Variants in WDR24 observed in about 807,000 individuals in gnomAD.
WDR24 encodes GATOR2 complex protein WDR24.
In WDR24, 32 loss-of-function variants were observed where a neutral mutation model predicts 66.7. That is an observed-to-expected ratio of 0.48 (90% confidence interval 0.36 to 0.64). The LOEUF (loss-of-function observed/expected upper bound fraction) is 0.64. WDR24 is among the 30% of genes least tolerant of loss of function. WDR24 has a pLI of 0.00. For missense variants in WDR24, 978 were observed against 1,144.1 expected (o/e 0.85, Z 2.09); for synonymous variants, 565 against 469.1 (o/e 1.20, Z -2.64).
chr16:685,577 G>A lies in WDR24; in HGVS notation c.1699C>T (p.Leu567=), dbSNP rs2039887629. ...HAHPEDPECV[L]PQEAFPLRHE... is the part of the protein sequence containing the mutation. ...CGCAGCGGAAAGGCCTCCTGCGGCAGCACGCACTCAGGGTCCTCGGCTGGA... is the reference window on the plus strand; with the variant it reads ...CGCAGCGGAAAGGCCTCCTGCGGCAACACGCACTCAGGGTCCTCGGCTGGA... Residue 567 remains leucine, a synonymous_variant, in exon 7 of 9, where the codon CTG becomes TTG. Coordinates refer to ENST00000293883, the MANE Select transcript of WDR24 (RefSeq NM_032259.4). 4 of 1,592,706 alleles carry A rather than the reference G, an allele frequency of 2.5e-6. No homozygotes were observed. The highest frequency in any genetic ancestry group is 3.4e-6 in the Non-Finnish European group (4 of 1,168,642).
At position 690,049 on chromosome 16, in the gene WDR24, CGCCG is replaced by C. The variant is rs1567295291; in HGVS notation, c.-413_-410del. ...CCCAGCAGGGGAGCGAGGAGACTCC[CGCCG>C]TCCACACTGTCAGCCCTGAGGGCGG... is the stretch of plus-strand genomic sequence containing the variant. On this transcript the variant is annotated 5_prime_UTR_variant, in exon 1 of 9. Coordinates refer to ENST00000293883, the MANE Select transcript of WDR24 (RefSeq NM_032259.4). 4.2e-6 allele frequency: 2 copies of C among 474,000 alleles called. No individual in the cohort carries two copies. Among genetic ancestry groups the C allele is most frequent in the Non-Finnish European group, 8.4e-6 (2 of 238,916 alleles). The allele number at this position is 474,000 out of a possible 1,614,324, so 29.4% of individuals were successfully genotyped here. A position where few individuals can be genotyped will look rare whatever the true frequency, so the allele number is the denominator to read the frequency against.
rs2039861758 is a variant in WDR24 at position 684,680 on chromosome 16, A to G, written c.*54T>C. ...CCAGCCTCCGCCCGTCTCGGGCACA[A>G]GACCAGGCGGGGTTCTGCACGCGGC... On this transcript the variant is annotated 3_prime_UTR_variant, in exon 9 of 9. Transcript: ENST00000293883. 2.0e-6 allele frequency: 3 copies of G among 1,508,970 alleles called. No individual in the cohort carries two copies. The South Asian group carries it at 3.8e-5, about 19-fold the overall frequency. The allele number at this position is 1,508,970 out of a possible 1,614,324, so 93.5% of individuals were successfully genotyped here. A position where few individuals can be genotyped will look rare whatever the true frequency, so the allele number is the denominator to read the frequency against.
intron 3 of WDR24, among the ~76,000 whole-genome samples, 189 bp from the exon 4 acceptor site, chr16:686,375 G>A (rs79738299): frequency 6.6e-6 from 1 of 152,202 alleles, no homozygotes; most frequent in South Asian, 2.1e-4. Flanking sequence ...CCCTACAGCA[G>A]CACAGAGGAA....
Position 689,141 on chromosome 16 carries a change from C to T in WDR24, c.481+19G>A. 1.2e-6 allele frequency: 2 copies of T among 1,611,010 alleles called. No individual in the cohort carries two copies. Among genetic ancestry groups the T allele is most frequent in the South Asian group, 1.1e-5 (1 of 91,002 alleles). On this transcript the variant is annotated intron_variant, in intron 1 of 8. Coordinates refer to ENST00000293883, the MANE Select transcript of WDR24 (RefSeq NM_032259.4). ...CGGCAGAGACGCCCACCTGCCCTGA[C>T]CTGCCTCTGTGGCCTCACCCGAGAA...
At position 689,080 on chromosome 16, in the gene WDR24, G is replaced by A. The variant is rs192481866; in HGVS notation, c.481+80C>T. 1,927 of 1,567,564 alleles carry A rather than the reference G, an allele frequency of 1.2e-3. 1 individual carries two copies. The highest frequency in any genetic ancestry group is 1.6e-3 in the Non-Finnish European group (1,822 of 1,155,772). On this transcript the variant is annotated intron_variant, in intron 1 of 8. Coordinates refer to ENST00000293883, the MANE Select transcript of WDR24 (RefSeq NM_032259.4). The stretch of plus-strand genomic sequence containing the variant: ...GTGATCCTGAGGGCCTCTGATGCAC[G>A]GAGCCCTTTTCCGCCTGCATGGACA...
At position 684,742 on chromosome 16, in the gene WDR24, A is replaced by C; in HGVS notation, c.2365T>G (p.Tyr789Asp). 1 of 1,596,424 alleles carries C rather than the reference A, an allele frequency of 6.3e-7. No individual in the cohort carries two copies. The highest frequency in any genetic ancestry group is 1.7e-5 in the Admixed American group (1 of 58,896). ...CPAGCGHLCE[Y>D]S ...GCCCAGCAGATGCCCCGTCAGGAGT[A>C]CTCGCAGAGGTGGCCGCAGCCTGCG... The change falls in exon 9 of 9, where the codon TAC becomes GAC. Residue 789 changes from tyrosine (Y) to aspartate (D), a missense_variant. By Grantham distance (160) the Tyr-to-Asp change is radical. Transcript: ENST00000293883.
chr16:687,908 G>A (rs1019385371), intron 1 of WDR24, 169 bp from the exon 2 acceptor site: 20 of 861,632 alleles, frequency 2.3e-5, no homozygotes, highest in African/African-American at 3.3e-5. Flanking sequence ...ACACAGAGTC[G>A]CCACAAGAGC....
intron 1 of WDR24, among the ~76,000 whole-genome samples, chr16:688,249 G>A (rs768772549): frequency 5.3e-5 from 8 of 152,118 alleles, no homozygotes; most frequent in African/African-American, 1.4e-4. Context: ...CTTCAAGGGC[G>A]GTACCCAACC....
chr16:686,141 C>G lies in WDR24; in HGVS notation c.1378G>C (p.Gly460Arg). The G allele has an allele frequency of 6.2e-7, 1 of 1,613,038 alleles. No individual in the cohort carries two copies. ...TMLRIIYCSP[G>R]LVPTANLNHS... is the part of the protein sequence containing the mutation. ...TTGAGGTTTGCAGTGGGCACTAGGC[C>G]AGGGCTGCAGTAGATGATCCGCAGC... Residue 460 changes from glycine to arginine, a missense_variant, in exon 4 of 9, where the codon GGC (glycine) becomes CGC (arginine). Gly to Arg is a moderately radical substitution (Grantham distance 125). Around this residue, in one of 2 missense-constraint regions of WDR24, gnomAD observed 676 missense variants for 617.5 expected, o/e 1.09. Transcript: ENST00000293883.
In WDR24 at chr16:685,615, G is replaced by C. The variant is rs1355492849; in HGVS notation, c.1679-18C>G. The stretch of plus-strand genomic sequence containing the variant: ...GTCCTCGGCTGGAAGGCAGGGACCA[G>C]CGGAGGCTCTGAGTCTGTCCTCCAT... On this transcript the variant is annotated intron_variant, in intron 6 of 8. Transcript: ENST00000293883. The C allele has an allele frequency of 6.2e-7, 1 of 1,605,998 alleles. No homozygotes were observed. Among genetic ancestry groups the C allele is most frequent in the African/African-American group, 1.3e-5 (1 of 74,874 alleles).
chr16:686,054 C>A lies in WDR24; in HGVS notation c.1451+14G>T. On this transcript the variant is annotated intron_variant, in intron 4 of 8. Coordinates refer to ENST00000293883, the MANE Select transcript of WDR24 (RefSeq NM_032259.4). ...CAGCCCCAGCCCCTGGGGAGAGCTG[C>A]CCCCGGCATCTACCTGTTCATGAGC... The A allele has an allele frequency of 1.2e-6, 2 of 1,612,676 alleles. No individual in the cohort carries two copies. Among genetic ancestry groups the A allele is most frequent in the Non-Finnish European group, 1.7e-6 (2 of 1,179,872 alleles).
intron 4 of WDR24, 30 bp downstream of exon 4, chr16:686,038 C>A (rs2039900916): frequency 6.2e-7 from 1 of 1,612,764 alleles, no homozygotes; most frequent in South Asian, 1.1e-5. Context: ...GCAGCCCCAG[C>A]CCCTGGGGAG....
chr16:689,522 T>A lies in WDR24; in HGVS notation c.119A>T (p.Gln40Leu). The A allele has an allele frequency of 6.2e-7, 1 of 1,613,230 alleles. No homozygotes were observed. The highest frequency in any genetic ancestry group is 8.5e-7 in the Non-Finnish European group (1 of 1,180,026). The change falls in exon 1 of 9, where the codon CAG (glutamine) becomes CTG (leucine). Residue 40 changes from glutamine (Q) to leucine (L), a missense_variant. By Grantham distance (113) the Gln-to-Leu change is moderately radical. Coordinates refer to ENST00000293883, the MANE Select transcript of WDR24 (RefSeq NM_032259.4). ...GATGCTACGGCCTGCCACGACCACC[T>A]GGGCTGCGTCGCGGCACACACTGAT... ...NAISVCRDAA[Q>L]VVVAGRSIFK...
chr16:689,746 C>T lies in WDR24; in HGVS notation c.-106G>A. On this transcript the variant is annotated 5_prime_UTR_variant, in exon 1 of 9. Coordinates refer to ENST00000293883, the MANE Select transcript of WDR24 (RefSeq NM_032259.4). The stretch of plus-strand genomic sequence containing the variant: ...AGACCTTCCACCCAGGTTGGGACCC[C>T]AGAACTGCTTGGTCCCGGGCTGGTC... 6.7e-7 allele frequency: 1 copy of T among 1,496,678 alleles called. No individual in the cohort carries two copies. The highest frequency in any genetic ancestry group is 2.4e-5 in the East Asian group (1 of 41,326). 92.7% of individuals were successfully genotyped at this position (1,496,678 alleles called of 1,614,324 possible).
chr16:687,588 G>C lies in WDR24; in HGVS notation c.633C>G (p.Phe211Leu), dbSNP rs2039924293. ...RMFTAHNGPV[F>L]CCDWHPEDRG... ...TGTCCTCGGGGTGCCAGTCGCAGCA[G>C]AAGACGGGTCCGTTGTGGGCTGTGA... is the stretch of plus-strand genomic sequence containing the variant. Residue 211 changes from phenylalanine (F) to leucine (L), a missense_variant, in exon 2 of 9, where the codon TTC becomes TTG. Transcript: ENST00000293883. The C allele has an allele frequency of 6.2e-7, 1 of 1,613,152 alleles. No individual in the cohort carries two copies. Among genetic ancestry groups the C allele is most frequent in the Non-Finnish European group, 8.5e-7 (1 of 1,179,932 alleles).
In WDR24 at chr16:686,169, G is replaced by C; in HGVS notation, c.1350C>G (p.Thr450=). ...LGRNQVAQTW[T]MLRIIYCSPG... The stretch of plus-strand genomic sequence containing the variant: ...GGCTGCAGTAGATGATCCGCAGCAT[G>C]GTCCACGTTTGCGCCACCTAGGGGC... The change falls in exon 4 of 9, where the codon ACC becomes ACG. Residue 450 remains threonine (T), a synonymous_variant. Coordinates refer to ENST00000293883, the MANE Select transcript of WDR24 (RefSeq NM_032259.4). The C allele has an allele frequency of 6.2e-7, 1 of 1,612,860 alleles. No individual in the cohort carries two copies. Among genetic ancestry groups the C allele is most frequent in the Non-Finnish European group, 8.5e-7 (1 of 1,179,954 alleles).
In WDR24 at chr16:690,338, G is replaced by T; in HGVS notation, c.-698C>A. ...GGGCCCGGGGCAGCCCTTCTCCCCC[G>T]CGCGAACCCCAATCTTTTACTAAAA... On this transcript the variant is annotated 5_prime_UTR_variant, in exon 1 of 9. Transcript: ENST00000293883. 2.2e-6 allele frequency: 1 copy of T among 456,310 alleles called. No homozygotes were observed. The highest frequency in any genetic ancestry group is 4.4e-6 in the Non-Finnish European group (1 of 226,782). The allele number at this position is 456,310 out of a possible 1,614,324, so 28.3% of individuals were successfully genotyped here. A position where few individuals can be genotyped will look rare whatever the true frequency, so the allele number is the denominator to read the frequency against.
chr16:687,691 AAGT>A lies in WDR24; in HGVS notation c.527_529del (p.Tyr176del). ...GTTCTCAAAGGTGGAGGCGAAGGTG[AAGT>A]AGTCCCGGATACTGAACTGCACGTC... is the stretch of plus-strand genomic sequence containing the variant. On this transcript the variant is annotated inframe_deletion, in exon 2 of 9. Coordinates refer to ENST00000293883, the MANE Select transcript of WDR24 (RefSeq NM_032259.4). The A allele has an allele frequency of 6.2e-7, 1 of 1,613,594 alleles. No individual in the cohort carries two copies. Among genetic ancestry groups the A allele is most frequent in the Non-Finnish European group, 8.5e-7 (1 of 1,179,992 alleles).
Position 689,560 on chromosome 16 carries a change from A to T in WDR24, c.81T>A (p.Ala27=), listed in dbSNP as rs751296717. 5.6e-6 allele frequency: 9 copies of T among 1,612,822 alleles called. No homozygotes were observed. The South Asian group carries it at 8.8e-5, about 16-fold the overall frequency. ...TGRTMHCHLD[A]PANAISVCRD... Reference sequence around the variant, plus strand: ...GGCACACACTGATGGCATTGGCGGGAGCATCCAGGTGGCAGTGCATGGTGC... The same window carrying T: ...GGCACACACTGATGGCATTGGCGGGTGCATCCAGGTGGCAGTGCATGGTGC... The change falls in exon 1 of 9, where the codon GCT becomes GCA. Residue 27 remains alanine, a synonymous_variant. Coordinates refer to ENST00000293883, the MANE Select transcript of WDR24 (RefSeq NM_032259.4).
Sources: gnomAD v4.1 joint callset for allele counts (sites outside exome capture counted in the v4.1 genomes callset) on GRCh38, gnomAD v4.1.1 for gene constraint, gnomAD v4.1.1 regional missense constraint, MANE v1.5 for transcripts, NCBI Gene and HGNC (gene_info 2026-07-23, HGNC 2026-07-21) for gene names.